Variants in RNF6 observed in about 807,000 individuals in gnomAD.
RNF6 encodes the protein ring finger protein 6, also known as E3 ubiquitin-protein ligase RNF6.
In RNF6, 21 loss-of-function variants were observed where a neutral mutation model predicts 50.1. That is an observed-to-expected ratio of 0.42 (90% CI 0.30 to 0.60). RNF6 has a LOEUF of 0.60. Among genes scored for constraint, RNF6 ranks in the 20% least tolerant of loss-of-function variants. RNF6 has a pLI of 0.20. For synonymous variants in RNF6, 255 were observed against 291.8 expected, an observed-to-expected ratio of 0.87 and a Z score of 1.29; for missense variants, 698 against 838.2, an observed-to-expected ratio of 0.83 and a Z score of 2.07.
At chr13:26,150,532 G>T (rs964361599) in intron 5 of RNF6, among the ~76,000 whole-genome samples, 1 of 151,852 alleles carries the variant, frequency 6.6e-6, no homozygotes, top group East Asian at 1.9e-4. Flanking sequence ...CCTTTCAGCC[G>T]CTTAAGACTT....
At chr13:26,196,167 TGA>T (rs1868650564) in intron 5 of RNF6, among the ~76,000 whole-genome samples, 2 of 152,026 alleles carry the variant, frequency 1.3e-5, no homozygotes. Context: ...TGTAGAAAAC[TGA>T]AGATAAAATC....
chr13:26,168,567 T>A (rs1335901372), intron 5 of RNF6, among the ~76,000 whole-genome samples: 1 of 152,148 alleles, frequency 6.6e-6, no homozygotes. Context: ...CTTACAGGGG[T>A]TGTTTACGTA....
chr13:26,203,224 C>T (rs1175765994), intron 5 of RNF6, among the ~76,000 whole-genome samples: 1 of 152,194 alleles, frequency 6.6e-6, no homozygotes. Context: ...AGAGGCTTGG[C>T]AGACCTTAAG....
At chr13:26,196,513 A>T (rs757833698) in intron 5 of RNF6, among the ~76,000 whole-genome samples, 5 of 151,890 alleles carry the variant, frequency 3.3e-5, no homozygotes, top group African/African-American at 4.8e-5. Flanking sequence ...TTAGCCAGTA[A>T]TCCCAACTAC....
intron 3 of RNF6, 141 bp downstream of exon 3, chr13:26,219,316 A>C (rs1870228875): frequency 1.4e-6 from 1 of 701,062 alleles, no homozygotes; most frequent in Non-Finnish European, 2.2e-6. Context: ...TATTATACTA[A>C]AAAGTTCTTA....
chr13:26,202,893 A>G (rs1490278358), intron 5 of RNF6, among the ~76,000 whole-genome samples: 1 of 152,234 alleles, frequency 6.6e-6, no homozygotes, highest in Non-Finnish European at 1.5e-5. Flanking sequence ...AATTAAGCTC[A>G]AGACTGGATA....
At chr13:26,138,163 G>C (rs1216943896) in intron 5 of RNF6, among the ~76,000 whole-genome samples, 1 of 152,094 alleles carries the variant, frequency 6.6e-6, no homozygotes, top group Non-Finnish European at 1.5e-5. Flanking sequence ...TAATTTCTCA[G>C]CAGAAACTTT....
intron 5 of RNF6, among the ~76,000 whole-genome samples, chr13:26,203,819 G>T (rs983701101): frequency 6.6e-6 from 1 of 152,148 alleles, no homozygotes; most frequent in Non-Finnish European, 1.5e-5. Context: ...AAAATTAGCC[G>T]GGCATGGAGG....
intron 5 of RNF6, among the ~76,000 whole-genome samples, chr13:26,137,776 G>T (rs927878053): frequency 8.6e-5 from 13 of 151,906 alleles, no homozygotes; most frequent in African/African-American, 3.1e-4. Context: ...CAAACTTGGA[G>T]ATAGATCTAC....
intron 3 of RNF6, among the ~76,000 whole-genome samples, 184 bp from the exon 4 acceptor site, chr13:26,218,790 T>C (rs1870165356): frequency 6.6e-6 from 1 of 152,228 alleles, no homozygotes; most frequent in Non-Finnish European, 1.5e-5. Flanking sequence ...TCGGTTGTGC[T>C]TCATTTATTA....
At chr13:26,141,812 T>C (rs1478266838) in intron 5 of RNF6, among the ~76,000 whole-genome samples, 1 of 152,128 alleles carries the variant, frequency 6.6e-6, no homozygotes, top group African/African-American at 2.4e-5. Context: ...TTTCTGGACA[T>C]TGGCCTTGGA....
chr13:26,178,747 G>C (rs1873093889), intron 5 of RNF6, among the ~76,000 whole-genome samples: 1 of 151,744 alleles, frequency 6.6e-6, no homozygotes, highest in Admixed American at 6.6e-5. Context: ...TTATTCATTT[G>C]CATAACCAAA....
At chr13:26,183,467 G>A (rs1199433754) in intron 5 of RNF6, among the ~76,000 whole-genome samples, 1 of 152,118 alleles carries the variant, frequency 6.6e-6, no homozygotes, top group East Asian at 1.9e-4. Flanking sequence ...GGGCATCTGT[G>A]TATATTTGCT....
chr13:26,150,243 T>C (rs929004438), intron 5 of RNF6, among the ~76,000 whole-genome samples: 6 of 152,056 alleles, frequency 3.9e-5, no homozygotes, highest in African/African-American at 1.4e-4. Context: ...TGATCAAGTT[T>C]TAATGATTCT....
Position 26,215,475 on chromosome 13 carries a change from G to A in RNF6, c.407C>T (p.Ala136Val). Residue 136 changes from alanine (A) to valine (V), a missense_variant, in exon 5 of 5, where the codon GCT becomes GTT. Coordinates refer to ENST00000381588, the MANE Select transcript of RNF6 (RefSeq NM_005977.4). The stretch of plus-strand genomic sequence containing the variant: ...ATTGTTCGGGTTTGTTCGACTCACA[G>A]CTCTCCAAGTTTGGTTCCCATTTTG... ...SGQNGNQTWRAVSRTNPNNGE... is the reference protein window; with the variant it reads ...SGQNGNQTWRVVSRTNPNNGE... 1 of 1,614,146 alleles carries A rather than the reference G, an allele frequency of 6.2e-7. No individual in the cohort carries two copies. Among genetic ancestry groups the A allele is most frequent in the South Asian group, 1.1e-5 (1 of 91,082 alleles).
intron 5 of RNF6, among the ~76,000 whole-genome samples, chr13:26,166,974 C>A (rs955002549): frequency 6.6e-6 from 1 of 152,212 alleles, no homozygotes; most frequent in Non-Finnish European, 1.5e-5. Context: ...CCATGTGGAA[C>A]TTAAGTCAAT....
rs1738922500 is a variant in RNF6, at chr13:26,214,336, T to A, written c.1546A>T (p.Met516Leu). Residue 516 changes from methionine to leucine, a missense_variant, in exon 5 of 5, where the codon ATG becomes TTG. Transcript: ENST00000381588. ...LQRNGQHLPD[M>L]HSELSNLGTD... ...CCTAAGTTACTCAGTTCTGAGTGCATGTCTGGTAAATGCTGGCCATTTCTT... is the reference window on the plus strand; with the variant it reads ...CCTAAGTTACTCAGTTCTGAGTGCAAGTCTGGTAAATGCTGGCCATTTCTT... 1 of 1,614,052 alleles carries A rather than the reference T, an allele frequency of 6.2e-7. No homozygotes were observed. The highest frequency in any genetic ancestry group is 8.5e-7 in the Non-Finnish European group (1 of 1,180,038).
At chr13:26,183,831 T>C (rs943924031) in intron 5 of RNF6, among the ~76,000 whole-genome samples, 2 of 149,914 alleles carry the variant, frequency 1.3e-5, no homozygotes, top group Admixed American at 1.3e-4. Context: ...TCATAAAAAA[T>C]CTACAATATA....
chr13:26,132,539 G>T (rs190392758), intron 5 of RNF6: 45 of 413,122 alleles, frequency 1.1e-4, no homozygotes, highest in South Asian at 5.6e-4. Context: ...ATTAATAAAA[G>T]ATTATGATAG....
Sources: gnomAD v4.1 joint callset for allele counts (sites outside exome capture counted in the v4.1 genomes callset) on GRCh38, gnomAD v4.1.1 for gene constraint, MANE v1.5 for transcripts, NCBI Gene and HGNC (gene_info 2026-07-23, HGNC 2026-07-21) for gene names.